The following KIAA0825 variants were observed in gnomAD, a reference collection of about 807,000 sequenced individuals.
KIAA0825 encodes the protein KIAA0825.
Under a neutral mutation model 147.6 loss-of-function variants are expected in KIAA0825, and 119 were observed. The ratio of observed to expected loss-of-function variants is 0.81; its 90% CI spans 0.69 to 0.94. The LOEUF (loss-of-function observed/expected upper bound fraction) is 0.94. Among genes scored for constraint, KIAA0825 ranks in the 40% least tolerant of loss-of-function variants. KIAA0825 has a pLI of 0.00. For missense variants in KIAA0825, 1,381 were observed against 1,472.7 expected (o/e 0.94, Z 1.02); for synonymous variants, 470 against 518.1 (o/e 0.91, Z 1.26).
chr5:94,222,551 A>G (rs924409759), intron 20 of KIAA0825, among the ~76,000 whole-genome samples: 1 of 152,206 alleles, frequency 6.6e-6, no homozygotes, highest in Admixed American at 6.5e-5. Context: ...TGATGTAGAA[A>G]AAGAGCAAGG....
chr5:94,190,005 A>G (rs528012315), intron 20 of KIAA0825, among the ~76,000 whole-genome samples: 2 of 152,050 alleles, frequency 1.3e-5, no homozygotes, highest in South Asian at 2.1e-4. Flanking sequence ...CGCGTCTTGC[A>G]TATCTTTTGT....
intron 5 of KIAA0825, among the ~76,000 whole-genome samples, chr5:94,494,017 C>T (rs6893281): frequency 6.6e-6 from 1 of 152,098 alleles, no homozygotes; most frequent in African/African-American, 2.4e-5. Context: ...GTTTCACATA[C>T]CAAGAGAAAC....
chr5:94,385,421 G>A (rs1003670089), intron 19 of KIAA0825, among the ~76,000 whole-genome samples: 3 of 152,108 alleles, frequency 2.0e-5, no homozygotes, highest in Admixed American at 2.0e-4. Flanking sequence ...AGCTGTAACA[G>A]GCATGGTAAA....
chr5:94,173,417 G>T (rs947899524), intron 20 of KIAA0825, among the ~76,000 whole-genome samples: 1 of 152,084 alleles, frequency 6.6e-6, no homozygotes, highest in Non-Finnish European at 1.5e-5. Context: ...CATATCTAGT[G>T]GGTGATGTTG....
chr5:94,484,953 CTGTCATACA>C (rs1762877490), intron 5 of KIAA0825, 23 bp from the exon 6 acceptor site: 1 of 1,417,826 alleles, frequency 7.1e-7, no homozygotes, highest in South Asian at 1.5e-5. Flanking sequence ...AAGATCAATA[CTGTCATACA>C]TTTTATTTAC....
At chr5:94,600,239 A>G (rs1455732722) in intron 1 of KIAA0825, among the ~76,000 whole-genome samples, 1 of 152,150 alleles carries the variant, frequency 6.6e-6, no homozygotes, top group Non-Finnish European at 1.5e-5. Context: ...GTGATGGGAG[A>G]ATGTGGAGAA....
chr5:94,259,992 A>G (rs969921279), intron 20 of KIAA0825, among the ~76,000 whole-genome samples: 1 of 152,096 alleles, frequency 6.6e-6, no homozygotes, highest in Non-Finnish European at 1.5e-5. Context: ...AGTTTATAAG[A>G]ATTATTTTTT....
rs77389048 is a variant in KIAA0825, at chr5:94,373,234, C to T, written c.3710+11134G>A. On this transcript the variant is annotated intron_variant, in intron 20 of 20. Transcript: ENST00000682413. ...TTCTGAATCCTCTAAACTGTTCCAA[C>T]GTCTGCCTGTTACCAAGTTCCAAAG... is the stretch of plus-strand genomic sequence containing the variant. 6.5e-3 allele frequency among the ~76,000 whole-genome samples: 983 copies of T among 152,290 alleles called. 13 individuals are homozygous for T. Among genetic ancestry groups the T allele is most frequent in the African/African-American group, 0.022 (918 of 41,556 alleles).
At chr5:94,387,045 A>G (rs987324862) in intron 18 of KIAA0825, among the ~76,000 whole-genome samples, 1 of 152,240 alleles carries the variant, frequency 6.6e-6, no homozygotes, top group East Asian at 1.9e-4. Context: ...ACCCATAAAT[A>G]AGGTGAACAA....
chr5:94,558,353 A>T (rs1339688390), intron 2 of KIAA0825, among the ~76,000 whole-genome samples: 1 of 152,186 alleles, frequency 6.6e-6, no homozygotes, highest in African/African-American at 2.4e-5. Context: ...ATAAGACATC[A>T]CTGGTGGTAA....
At chr5:94,293,341 T>G (rs1026104412) in intron 20 of KIAA0825, among the ~76,000 whole-genome samples, 1 of 152,332 alleles carries the variant, frequency 6.6e-6, no homozygotes, top group African/African-American at 2.4e-5. Flanking sequence ...AAAGAACTTA[T>G]TTATTTCTGC....
At chr5:94,430,427 T>C (rs1755515048) in intron 14 of KIAA0825, among the ~76,000 whole-genome samples, 1 of 152,204 alleles carries the variant, frequency 6.6e-6, no homozygotes, top group Non-Finnish European at 1.5e-5. Context: ...AAGTCTCTTG[T>C]TTTTATTTTA....
At chr5:94,579,961 C>A (rs1444942767) in intron 2 of KIAA0825, among the ~76,000 whole-genome samples, 1 of 152,102 alleles carries the variant, frequency 6.6e-6, no homozygotes, top group East Asian at 1.9e-4. Context: ...AATTACTTCT[C>A]GCCTTTGAGA....
chr5:94,614,678 TGAG>T lies in KIAA0825; in HGVS notation c.-153+3819_-153+3821del, dbSNP rs1789918517. Among the ~76,000 whole-genome samples, 3 of 152,184 alleles carry T rather than the reference TGAG, an allele frequency of 2.0e-5. No homozygotes were observed. In the South Asian group the frequency reaches 6.2e-4, roughly 32 times the overall value. ...CACAAACTCAATATTACCTTTTTTA[TGAG>T]GTCTTTCCTCATCTGCCCTCCTGGA... is the stretch of plus-strand genomic sequence containing the variant. On this transcript the variant is annotated intron_variant, in intron 1 of 20. Coordinates refer to ENST00000682413, the MANE Select transcript of KIAA0825 (RefSeq NM_001145678.3).
intron 20 of KIAA0825, among the ~76,000 whole-genome samples, chr5:94,364,882 C>T (rs900281989): frequency 1.3e-5 from 2 of 152,182 alleles, no homozygotes; most frequent in South Asian, 4.2e-4. Context: ...GAAAGGCAAA[C>T]GAGATGCTTG....
chr5:94,610,764 C>CAA lies in KIAA0825; in HGVS notation c.-153+7734_-153+7735dup, dbSNP rs756579848. 1.6e-3 allele frequency among the ~76,000 whole-genome samples: 33 copies of CAA among 20,646 alleles called. 1 individual carries two copies. Among genetic ancestry groups the CAA allele is most frequent in the Middle Eastern group, 0.033 (1 of 30 alleles). The allele number at this position is 20,646 out of a possible 152,430, so 13.5% of individuals were successfully genotyped here. On this transcript the variant is annotated intron_variant, in intron 1 of 20. Coordinates refer to ENST00000682413, the MANE Select transcript of KIAA0825 (RefSeq NM_001145678.3). ...GGGTGACAGAGCGAGACTCTATCTG[C>CAA]AAAAAAAAAAAAAAAAAAAAAAGTA...
At chr5:94,481,988 A>C (rs543304295) in intron 6 of KIAA0825, among the ~76,000 whole-genome samples, 1 of 152,190 alleles carries the variant, frequency 6.6e-6, no homozygotes, top group African/African-American at 2.4e-5. Context: ...GAAATGCCCC[A>C]TAAATCAAAT....
chr5:94,244,320 T>C (rs934959860), intron 20 of KIAA0825, among the ~76,000 whole-genome samples: 1 of 152,142 alleles, frequency 6.6e-6, no homozygotes, highest in Non-Finnish European at 1.5e-5. Flanking sequence ...CATTCAAGTT[T>C]TGGGTTTGAA....
At chr5:94,532,808 T>A in intron 3 of KIAA0825, among the ~76,000 whole-genome samples, 1 of 150,102 alleles carries the variant, frequency 6.7e-6, no homozygotes, top group African/African-American at 2.4e-5. Flanking sequence ...GTATTGAGAT[T>A]ACATCTTTCT....
Sources: gnomAD v4.1 joint callset for allele counts (sites outside exome capture counted in the v4.1 genomes callset) on GRCh38, gnomAD v4.1.1 for gene constraint, MANE v1.5 for transcripts, NCBI Gene and HGNC (gene_info 2026-07-23, HGNC 2026-07-21) for gene names.